The following GLIPR1L2 variants were observed in gnomAD, a reference collection of about 807,000 sequenced individuals.
GLIPR1L2 encodes the protein GLIPR1 like 2.
Under a neutral mutation model 28.4 loss-of-function variants are expected in GLIPR1L2, and 21 were observed. The ratio of observed to expected loss-of-function variants is 0.74; its 90% CI spans 0.52 to 1.06. The LOEUF (loss-of-function observed/expected upper bound fraction) is 1.06. GLIPR1L2 is among the 50% of genes least tolerant of loss of function. The pLI is 0.00. For synonymous variants in GLIPR1L2, 145 were observed against 139.3 expected (o/e 1.04, Z -0.29); for missense variants, 476 against 416.9 (o/e 1.14, Z -1.23).
chr12:75,402,068 GAGAAAA>G (rs1327832573), intron 1 of GLIPR1L2, among the ~76,000 whole-genome samples: 4 of 152,110 alleles, frequency 2.6e-5, no homozygotes, highest in African/African-American at 9.7e-5. Flanking sequence ...TTTTAGAAGT[GAGAAAA>G]AGATTTATAA....
chr12:75,391,275 T>C lies in GLIPR1L2; in HGVS notation c.159T>C (p.Phe53=). The change falls in exon 1 of 6, where the codon TTT becomes TTC. Residue 53 remains phenylalanine, a synonymous_variant. Coordinates refer to ENST00000550916, the MANE Select transcript of GLIPR1L2 (RefSeq NM_001270396.2). ...RFLPDEEDVD[F]INEYVNLHNE... is the part of the protein sequence containing the mutation. ...TGCCAGACGAGGAGGACGTAGACTTTATCAACGAGTACGTGAACCTCCACA... is the reference window on the plus strand; with the variant it reads ...TGCCAGACGAGGAGGACGTAGACTTCATCAACGAGTACGTGAACCTCCACA... 1 of 1,614,226 alleles carries C rather than the reference T, an allele frequency of 6.2e-7. No individual in the cohort carries two copies. Among genetic ancestry groups the C allele is most frequent in the Middle Eastern group, 1.6e-4 (1 of 6,062 alleles).
chr12:75,396,473 G>A (rs926847922), intron 1 of GLIPR1L2, among the ~76,000 whole-genome samples: 5 of 152,152 alleles, frequency 3.3e-5, no homozygotes, highest in African/African-American at 4.8e-5. Flanking sequence ...CCTAAAATAC[G>A]TCTTTTAATA....
intron 1 of GLIPR1L2, among the ~76,000 whole-genome samples, chr12:75,407,131 A>C (rs1404880486): frequency 6.6e-6 from 1 of 152,022 alleles, no homozygotes; most frequent in Admixed American, 6.6e-5. Context: ...GTCTCCTCAT[A>C]ATAATTTTTT....
At chr12:75,416,037 G>T (rs2045920157) in intron 3 of GLIPR1L2, among the ~76,000 whole-genome samples, 1 of 152,006 alleles carries the variant, frequency 6.6e-6, no homozygotes, top group Admixed American at 6.6e-5. Flanking sequence ...TTAGAATTCT[G>T]CCTACCATAG....
chr12:75,416,599 G>T (rs2045925784), intron 3 of GLIPR1L2, among the ~76,000 whole-genome samples: 1 of 152,106 alleles, frequency 6.6e-6, no homozygotes, highest in Admixed American at 6.6e-5. Flanking sequence ...ATGAGACGCT[G>T]CTGAGAGAAT....
chr12:75,398,732 A>T (rs1470858049), intron 1 of GLIPR1L2, among the ~76,000 whole-genome samples: 1 of 152,070 alleles, frequency 6.6e-6, no homozygotes, highest in Non-Finnish European at 1.5e-5. Flanking sequence ...CTCCTTTTTT[A>T]AAAAAAGAAA....
intron 1 of GLIPR1L2, among the ~76,000 whole-genome samples, chr12:75,406,789 A>AAG (rs932075687): frequency 1.4e-5 from 2 of 147,840 alleles, no homozygotes; most frequent in African/African-American, 2.5e-5. Context: ...GAGAGAGAGA[A>AAG]AGAGAGAGAG....
Position 75,431,541 on chromosome 12 carries a change from A to C in GLIPR1L2, c.*380A>C, listed in dbSNP as rs1008251255. ...TGTTTTAAATAGTAAGGTGCTTAAG[A>C]TCATTCCAAGTTCATAACAACCATT... On this transcript the variant is annotated 3_prime_UTR_variant, in exon 6 of 6. Transcript: ENST00000550916. The C allele has an allele frequency of 6.1e-6, 1 of 164,850 alleles. No homozygotes were observed. The highest frequency in any genetic ancestry group is 2.4e-5 in the African/African-American group (1 of 41,902). The allele number at this position is 164,850 out of a possible 1,614,324, so 10.2% of individuals were successfully genotyped here. A position where few individuals can be genotyped will look rare whatever the true frequency, so the allele number is the denominator to read the frequency against.
In GLIPR1L2 at chr12:75,422,935, GGAATATTTTGTACTC is replaced by G. The variant is rs1396863764; in HGVS notation, c.619_633del (p.Ile207_Arg211del). On this transcript the variant is annotated inframe_deletion, in exon 4 of 6. Coordinates refer to ENST00000550916, the MANE Select transcript of GLIPR1L2 (RefSeq NM_001270396.2). ...ACTGACGAGAAGACCTTATGAACCA[GGAATATTTTGTACTC>G]GATGTGGCAGACGTGACAAATGCAC... 5.0e-6 allele frequency: 8 copies of G among 1,611,844 alleles called. No homozygotes were observed. The highest frequency in any genetic ancestry group is 6.8e-6 in the Non-Finnish European group (8 of 1,179,332).
In GLIPR1L2 at chr12:75,431,704, G is replaced by A. The variant is rs1198260584; in HGVS notation, c.*543G>A. 1 of 151,960 alleles carries A rather than the reference G, an allele frequency of 6.6e-6. No individual in the cohort carries two copies. The highest frequency in any genetic ancestry group is 1.9e-4 in the East Asian group (1 of 5,192). 9.4% of individuals were successfully genotyped at this position (151,960 alleles called of 1,614,324 possible). ...TTTTGGAATAGTTTAAGTGGTACCT[G>A]TACATCCTGCTAGGATGCAAACTTA... On this transcript the variant is annotated 3_prime_UTR_variant, in exon 6 of 6. Coordinates refer to ENST00000550916, the MANE Select transcript of GLIPR1L2 (RefSeq NM_001270396.2).
chr12:75,409,057 G>A (rs909442622), intron 1 of GLIPR1L2, among the ~76,000 whole-genome samples: 1 of 151,972 alleles, frequency 6.6e-6, no homozygotes, highest in Non-Finnish European at 1.5e-5. Flanking sequence ...GCTGCATGAG[G>A]CCCAGGACAA....
At chr12:75,430,021 C>T (rs868506834) in intron 4 of GLIPR1L2, among the ~76,000 whole-genome samples, 10 of 150,414 alleles carry the variant, frequency 6.6e-5, no homozygotes, top group South Asian at 2.1e-4. Flanking sequence ...CTGCAACCTC[C>T]GCCTCCAGGG....
rs771099317 is a variant in GLIPR1L2 at position 75,430,696 on chromosome 12, A to G, written c.671-19A>G. 4 of 1,526,504 alleles carry G rather than the reference A, an allele frequency of 2.6e-6. No homozygotes were observed. In the South Asian group the frequency reaches 3.7e-5, roughly 14 times the overall value. 94.6% of individuals were successfully genotyped at this position (1,526,504 alleles called of 1,614,324 possible). A position where few individuals can be genotyped will look rare whatever the true frequency, so the allele number is the denominator to read the frequency against. On this transcript the variant is annotated intron_variant, in intron 4 of 5. Coordinates refer to ENST00000550916, the MANE Select transcript of GLIPR1L2 (RefSeq NM_001270396.2). Reference sequence around the variant, plus strand: ...AAGAAATTTTATGTAATTTTTGTGGACTTTCTTTTTCTTTCTAGGTAATGC... The same window carrying G: ...AAGAAATTTTATGTAATTTTTGTGGGCTTTCTTTTTCTTTCTAGGTAATGC...
At chr12:75,419,959 C>A (rs1399970095) in intron 3 of GLIPR1L2, among the ~76,000 whole-genome samples, 2 of 152,168 alleles carry the variant, frequency 1.3e-5, no homozygotes, top group African/African-American at 2.4e-5. Context: ...GCTGCCTACA[C>A]TGTATTTCTC....
chr12:75,398,660 A>G (rs2045708178), intron 1 of GLIPR1L2, among the ~76,000 whole-genome samples: 1 of 152,188 alleles, frequency 6.6e-6, no homozygotes, highest in South Asian at 2.1e-4. Context: ...CATGTACCAG[A>G]TAATGGGCTG....
At position 75,422,929 on chromosome 12, in the gene GLIPR1L2, GA is replaced by G. The variant is rs779150461; in HGVS notation, c.612del (p.Glu204AspfsTer56). 23 of 1,611,400 alleles carry G rather than the reference GA, an allele frequency of 1.4e-5. No individual in the cohort carries two copies. The African/African-American group carries it at 2.8e-4, about 20-fold the overall frequency. ...AGGAACACTGACGAGAAGACCTTATGAACCAGGAATATTTTGTACTCGATGT... is the reference window on the plus strand; with the variant it reads ...AGGAACACTGACGAGAAGACCTTATGACCAGGAATATTTTGTACTCGATGT... ...PGGTLTRRPY[E>X]PGIFCTRCGR... On this transcript the variant is annotated frameshift_variant, in exon 4 of 6. Coordinates refer to ENST00000550916, the MANE Select transcript of GLIPR1L2 (RefSeq NM_001270396.2). LOFTEE classifies it high-confidence loss of function.
chr12:75,403,426 T>G (rs1331139899), intron 1 of GLIPR1L2, among the ~76,000 whole-genome samples: 1 of 152,184 alleles, frequency 6.6e-6, no homozygotes, highest in African/African-American at 2.4e-5. Context: ...TTGTCTTGGC[T>G]TCTTATAAGG....
chr12:75,424,990 C>T (rs140105107), intron 4 of GLIPR1L2, among the ~76,000 whole-genome samples: 5 of 151,940 alleles, frequency 3.3e-5, no homozygotes, highest in Non-Finnish European at 2.9e-5. Flanking sequence ...AGGATCCACA[C>T]GAGATGCAGT....
chr12:75,397,798 A>G (rs373658184), intron 1 of GLIPR1L2, among the ~76,000 whole-genome samples: 2 of 152,102 alleles, frequency 1.3e-5, no homozygotes, highest in Non-Finnish European at 2.9e-5. Flanking sequence ...GGTCTGCTTC[A>G]TTTAGGAAGA....
Sources: gnomAD v4.1 joint callset for allele counts (sites outside exome capture counted in the v4.1 genomes callset) on GRCh38, gnomAD v4.1.1 for gene constraint, MANE v1.5 for transcripts, NCBI Gene and HGNC (gene_info 2026-07-23, HGNC 2026-07-21) for gene names.